The following TMEM74 variants were observed in gnomAD, a reference collection of about 807,000 sequenced individuals.
The protein encoded by TMEM74 is transmembrane protein 74.
A neutral mutation model predicts 18.1 loss-of-function variants in TMEM74; 13 were observed. The ratio of observed to expected loss-of-function variants is 0.72; its 90% CI spans 0.47 to 1.14. The LOEUF (loss-of-function observed/expected upper bound fraction) is 1.14, where lower values mean the gene tolerates loss of function less well. Among genes scored for constraint, TMEM74 ranks in the 50% most tolerant of loss-of-function variants. The pLI is 0.00. For synonymous variants in TMEM74, 159 were observed against 146.6 expected, an observed-to-expected ratio of 1.08 and a Z score of -0.61; for missense variants, 372 against 375.9, an observed-to-expected ratio of 0.99 and a Z score of 0.09.
At chr8:108,753,570 A>G (rs1316112547) in intron 1 of TMEM74, among the ~76,000 whole-genome samples, 1 of 151,948 alleles carries the variant, frequency 6.6e-6, no homozygotes, top group Non-Finnish European at 1.5e-5. Flanking sequence ...TTTCTGTTTC[A>G]TTTGTTGAGT....
chr8:108,756,611 G>GA (rs1563543652), intron 1 of TMEM74, among the ~76,000 whole-genome samples: 21 of 64,666 alleles, frequency 3.2e-4, no homozygotes, highest in African/African-American at 1.7e-3. Context: ...AGGAAGGAAG[G>GA]AAGGAAGGAA....
chr8:108,752,511 A>G (rs886106370), intron 1 of TMEM74, among the ~76,000 whole-genome samples: 2 of 152,176 alleles, frequency 1.3e-5, no homozygotes, highest in African/African-American at 4.8e-5. Flanking sequence ...TGCAGCAAGT[A>G]TGCTTCACTG....
chr8:108,642,054 A>G (rs2130562545), intron 2 of TMEM74, among the ~76,000 whole-genome samples: 1 of 152,242 alleles, frequency 6.6e-6, no homozygotes, highest in South Asian at 2.1e-4. Context: ...GTATCGTTCA[A>G]ATGAACATGA....
chr8:108,719,157 T>C (rs1169703858), intron 1 of TMEM74, among the ~76,000 whole-genome samples: 1 of 152,106 alleles, frequency 6.6e-6, no homozygotes, highest in Non-Finnish European at 1.5e-5. Context: ...TCTGATTCTC[T>C]TGATATAGGT....
At chr8:108,626,198 T>G (rs980420003) in intron 2 of TMEM74, among the ~76,000 whole-genome samples, 1 of 152,114 alleles carries the variant, frequency 6.6e-6, no homozygotes, top group Non-Finnish European at 1.5e-5. Context: ...TTACATTATT[T>G]CTAATACATT....
At chr8:108,773,969 G>C (rs1814200967) in intron 1 of TMEM74, among the ~76,000 whole-genome samples, 2 of 152,158 alleles carry the variant, frequency 1.3e-5, no homozygotes, top group Non-Finnish European at 2.9e-5. Flanking sequence ...GCTACACTTT[G>C]GGGTAATGTA....
At chr8:108,681,826 T>C (rs1332899700) in intron 1 of TMEM74, among the ~76,000 whole-genome samples, 1 of 152,186 alleles carries the variant, frequency 6.6e-6, no homozygotes. Context: ...TTGTATGTTG[T>C]GTGTATTTTA....
intron 1 of TMEM74, among the ~76,000 whole-genome samples, chr8:108,682,508 ATGG>A (rs756417236): frequency 1.1e-4 from 16 of 152,062 alleles, no homozygotes; most frequent in Non-Finnish European, 2.1e-4. Context: ...AAGCCCTATG[ATGG>A]TAGCAACCAT....
chr8:108,786,002 G>A (rs1352086806), intron 1 of TMEM74, among the ~76,000 whole-genome samples: 1 of 152,102 alleles, frequency 6.6e-6, no homozygotes, highest in Non-Finnish European at 1.5e-5. Context: ...TGCTACTCCC[G>A]TTCCCTGGGT....
chr8:108,760,331 C>T (rs1374643717), intron 1 of TMEM74, among the ~76,000 whole-genome samples: 1 of 152,062 alleles, frequency 6.6e-6, no homozygotes, highest in African/African-American at 2.4e-5. Context: ...CAGCCAGTCT[C>T]TTGGGACTGG....
intron 2 of TMEM74, chr8:108,652,249 A>C (rs1812782125): frequency 6.5e-6 from 1 of 153,298 alleles, no homozygotes; most frequent in Non-Finnish European, 1.5e-5. Flanking sequence ...GTGTAATCTT[A>C]CTATATATCA....
Position 108,780,203 on chromosome 8 carries a change from G to A in TMEM74, c.*3978C>T, listed in dbSNP as rs1261043251. Among the ~76,000 whole-genome samples the A allele has an allele frequency of 3.9e-5, 6 of 152,216 alleles. No homozygotes were observed. The highest frequency in any genetic ancestry group is 7.4e-5 in the Non-Finnish European group (5 of 67,988). ...TTGTGAATCTTTTTTGTCAGACCAC[G>A]TTTTTTTGATGGCATTAATTGCTGC... On this transcript the variant is annotated 3_prime_UTR_variant, in exon 2 of 2. Transcript: ENST00000297459.
intron 2 of TMEM74, among the ~76,000 whole-genome samples, chr8:108,643,659 T>C (rs1269006301): frequency 6.6e-6 from 1 of 151,904 alleles, no homozygotes; most frequent in African/African-American, 2.4e-5. Context: ...GAGAATCACT[T>C]GAGGCCAGGA....
chr8:108,626,038 G>A (rs1369314022), intron 2 of TMEM74, among the ~76,000 whole-genome samples: 1 of 151,900 alleles, frequency 6.6e-6, no homozygotes, highest in African/African-American at 2.4e-5. Flanking sequence ...AGCCAGAATT[G>A]GGATTATTTC....
chr8:108,637,316 C>A (rs1232012488), intron 2 of TMEM74, among the ~76,000 whole-genome samples: 4 of 152,048 alleles, frequency 2.6e-5, no homozygotes, highest in African/African-American at 9.7e-5. Context: ...AATATGCAAT[C>A]TCCTTTTTGA....
At chr8:108,756,695 A>AGAAAGAAGGAAG (rs1398631410) in intron 1 of TMEM74, among the ~76,000 whole-genome samples, 169 of 84,562 alleles carry the variant, frequency 2.0e-3, no homozygotes, top group African/African-American at 8.6e-3. Flanking sequence ...AAAGAAAGAA[A>AGAAAGAAGGAAG]GAAGGAAGGA....
chr8:108,702,682 A>T (rs945026070), intron 1 of TMEM74, among the ~76,000 whole-genome samples: 2 of 152,084 alleles, frequency 1.3e-5, no homozygotes, highest in African/African-American at 4.8e-5. Context: ...TACATGTGCC[A>T]TGTTGGTGTG....
chr8:108,652,815 A>G (rs1186115897), intron 2 of TMEM74: 1 of 529,970 alleles, frequency 1.9e-6, no homozygotes, highest in Non-Finnish European at 3.6e-6. Flanking sequence ...GGAATTGAGT[A>G]GACTGGCTGG....
At chr8:108,669,915 G>A (rs1424546676) in intron 1 of TMEM74, among the ~76,000 whole-genome samples, 4 of 151,756 alleles carry the variant, frequency 2.6e-5, no homozygotes, top group Non-Finnish European at 5.9e-5. Flanking sequence ...ATGCATGCCT[G>A]TAATCCCAGG....
Sources: allele counts gnomAD v4.1 joint callset (sites outside exome capture counted in the v4.1 genomes callset), GRCh38; gene constraint gnomAD v4.1.1; transcripts MANE v1.5; gene names NCBI Gene and HGNC (gene_info 2026-07-23, HGNC 2026-07-21).